WHRN: variants seen among roughly 807,000 people sequenced by gnomAD.
The protein encoded by WHRN is whirlin, also known as CASK-interacting protein CIP98.
Under a neutral mutation model 68.3 loss-of-function variants are expected in WHRN, and 41 were observed. That is an observed-to-expected ratio of 0.60 (90% CI 0.47 to 0.78). The LOEUF (loss-of-function observed/expected upper bound fraction) is 0.78. Ranked by LOEUF, WHRN falls within the 30% of genes least tolerant of loss-of-function variation. The pLI, the probability that WHRN is intolerant of heterozygous loss-of-function variation, is 0.00. For missense variants in WHRN, 1,243 were observed against 1,244.7 expected, an observed-to-expected ratio of 1.00 and a Z score of 0.02; for synonymous variants, 560 against 561.3, an observed-to-expected ratio of 1.00 and a Z score of 0.03.
At position 114,423,496 on chromosome 9, in the gene WHRN, T is replaced by C. The variant is rs1836511434; in HGVS notation, c.1444A>G (p.Thr482Ala). ...CGTTCTAGGTCTTGCGGGGAAATGG[T>C]GCCTCTCACCTCAGAGAGGAGTGAG... ...KFSLLSEVRG[T>A]ISPQDLERFD... The change falls in exon 7 of 12, where the codon ACC becomes GCC. Residue 482 changes from threonine (T) to alanine (A), a missense_variant. Thr to Ala is a moderately conservative substitution (Grantham distance 58). Coordinates refer to ENST00000362057, the MANE Select transcript of WHRN (RefSeq NM_015404.4). 1.2e-6 allele frequency: 2 copies of C among 1,611,908 alleles called. No homozygotes were observed. Among genetic ancestry groups the C allele is most frequent in the South Asian group, 1.1e-5 (1 of 91,048 alleles).
At chr9:114,448,840 A>G (rs1479106195) in intron 3 of WHRN, among the ~76,000 whole-genome samples, 1 of 152,204 alleles carries the variant, frequency 6.6e-6, no homozygotes, top group African/African-American at 2.4e-5. Flanking sequence ...CATGGAGCAG[A>G]GACACATCAC....
intron 1 of WHRN, among the ~76,000 whole-genome samples, chr9:114,483,952 T>G (rs1211917347): frequency 6.6e-6 from 1 of 152,208 alleles, no homozygotes; most frequent in Non-Finnish European, 1.5e-5. Context: ...GTTGCACCTA[T>G]GGGCACCTGA....
intron 1 of WHRN, among the ~76,000 whole-genome samples, chr9:114,479,357 G>T (rs1163319485): frequency 1.3e-5 from 2 of 152,190 alleles, no homozygotes; most frequent in Non-Finnish European, 2.9e-5. Context: ...GGAACTCACA[G>T]GGAGGGGACC....
In WHRN at chr9:114,403,289, C is replaced by T. The variant is rs144207463; in HGVS notation, c.2469G>A (p.Ala823=). The change falls in exon 11 of 12, where the codon GCG becomes GCA. Residue 823 remains alanine (A), a synonymous_variant. Coordinates refer to ENST00000362057, the MANE Select transcript of WHRN (RefSeq NM_015404.4). ...TSTLVRVKKS[A]ATLGIAIEGG... is the part of the protein sequence containing the mutation. Reference sequence around the variant, plus strand: ...CCTCGATGGCGATGCCCAGGGTGGCCGCACTTTTCTTCACACGGACCAGAG... The same window carrying T: ...CCTCGATGGCGATGCCCAGGGTGGCTGCACTTTTCTTCACACGGACCAGAG... The T allele has an allele frequency of 4.3e-5, 70 of 1,614,072 alleles. No individual in the cohort carries two copies. In the African/African-American group the frequency reaches 7.7e-4, roughly 18 times the overall value.
intron 7 of WHRN, among the ~76,000 whole-genome samples, chr9:114,416,441 T>C (rs2132284439): frequency 1.3e-5 from 2 of 152,332 alleles, no homozygotes; most frequent in East Asian, 3.9e-4. Flanking sequence ...TGGGAGGTGA[T>C]CGGATCATGC....
At chr9:114,464,840 GAT>G (rs1452092539) in intron 3 of WHRN, among the ~76,000 whole-genome samples, 11 of 129,346 alleles carry the variant, frequency 8.5e-5, no homozygotes, top group Non-Finnish European at 1.4e-4. Context: ...TGATGATGAT[GAT>G]GATGATGATG....
intron 8 of WHRN, among the ~76,000 whole-genome samples, 155 bp from the exon 9 acceptor site, chr9:114,407,047 T>G (rs886974004): frequency 6.6e-6 from 1 of 152,062 alleles, no homozygotes; most frequent in African/African-American, 2.4e-5. Flanking sequence ...AACACCTGAG[T>G]GGAAAACTTC....
intron 3 of WHRN, among the ~76,000 whole-genome samples, chr9:114,461,050 G>A (rs1432291278): frequency 1.3e-5 from 2 of 152,196 alleles, no homozygotes; most frequent in African/African-American, 4.8e-5. Flanking sequence ...TACTGCGGAG[G>A]GGATTGAAGA....
At chr9:114,489,761 T>A (rs1842831273) in intron 1 of WHRN, among the ~76,000 whole-genome samples, 1 of 152,188 alleles carries the variant, frequency 6.6e-6, no homozygotes, top group African/African-American at 2.4e-5. Flanking sequence ...CTAAGCACAT[T>A]TCTAGAATTA....
intron 7 of WHRN, among the ~76,000 whole-genome samples, chr9:114,419,264 TCA>T (rs10548920): frequency 0.13 from 19,329 of 152,164 alleles, 1,528 homozygotes; most frequent in African/African-American, 0.22. Flanking sequence ...ACAGCAGTAC[TCA>T]CAACTCCTAG....
In WHRN at chr9:114,403,267, C is replaced by T. The variant is rs748047192; in HGVS notation, c.2491G>A (p.Glu831Lys). The T allele has an allele frequency of 2.5e-5, 41 of 1,614,020 alleles. No homozygotes were observed. The highest frequency in any genetic ancestry group is 3.3e-5 in the Non-Finnish European group (39 of 1,180,036). The change falls in exon 11 of 12, where the codon GAG becomes AAG. Residue 831 changes from glutamate to lysine, a missense_variant. Glu to Lys is a moderately conservative substitution (Grantham distance 56). Coordinates refer to ENST00000362057, the MANE Select transcript of WHRN (RefSeq NM_015404.4). Reference sequence around the variant, plus strand: ...GGCTGGCGGGTGTTGGCGCCACCCTCGATGGCGATGCCCAGGGTGGCCGCA... The same window carrying T: ...GGCTGGCGGGTGTTGGCGCCACCCTTGATGGCGATGCCCAGGGTGGCCGCA... ...KSAATLGIAIEGGANTRQPLP... is the reference protein window; with the variant it reads ...KSAATLGIAIKGGANTRQPLP...
chr9:114,424,182 CT>C (rs1589106561), intron 6 of WHRN, 151 bp downstream of exon 6: 1 of 882,772 alleles, frequency 1.1e-6, no homozygotes, highest in Non-Finnish European at 1.8e-6. Flanking sequence ...TGTGAGCATC[CT>C]GGGGGCAGGA....
chr9:114,482,695 G>A (rs982413921), intron 1 of WHRN, among the ~76,000 whole-genome samples: 2 of 151,872 alleles, frequency 1.3e-5, no homozygotes, highest in Non-Finnish European at 1.5e-5. Context: ...AAAAAAAAAA[G>A]GGAAGGAAAG....
Position 114,466,263 on chromosome 9 carries a change from T to A in WHRN, c.963+4A>T. The A allele has an allele frequency of 6.2e-7, 1 of 1,613,902 alleles. No homozygotes were observed. Among genetic ancestry groups the A allele is most frequent in the Non-Finnish European group, 8.5e-7 (1 of 1,180,014 alleles). ...AGTTTTCCCTCCCTCAGGCCCTCCC[T>A]CACCTTGAGCCCGCTGCCTTCTGCT... On this transcript the variant is annotated splice_donor_region_variant and intron_variant, in intron 3 of 11. Transcript: ENST00000362057.
At chr9:114,403,593 G>A (rs1265140201) in intron 10 of WHRN, among the ~76,000 whole-genome samples, 2 of 152,212 alleles carry the variant, frequency 1.3e-5, no homozygotes, top group Non-Finnish European at 2.9e-5. Context: ...GACTTGAATC[G>A]AAGCCTGACT....
At chr9:114,502,893 T>C (rs1027909410) in intron 1 of WHRN, among the ~76,000 whole-genome samples, 1 of 152,096 alleles carries the variant, frequency 6.6e-6, no homozygotes, top group African/African-American at 2.4e-5. Context: ...GGGAAAAGAT[T>C]GATAGAGGGG....
chr9:114,486,983 AT>A (rs1455477986), intron 1 of WHRN, among the ~76,000 whole-genome samples: 2 of 3,398 alleles, frequency 5.9e-4, no homozygotes, highest in African/African-American at 7.3e-4. Flanking sequence ...ATATATATAT[AT>A]ATATATATAT....
At chr9:114,439,170 T>A (rs1421812178) in intron 3 of WHRN, among the ~76,000 whole-genome samples, 1 of 151,704 alleles carries the variant, frequency 6.6e-6, no homozygotes, top group African/African-American at 2.4e-5. Flanking sequence ...ACATGGGGAG[T>A]CGTACTCGGA....
In WHRN at chr9:114,483,158, G is replaced by A. The variant is rs115099213; in HGVS notation, c.619-4387C>T. Among the ~76,000 whole-genome samples, 968 of 152,288 alleles carry A rather than the reference G, an allele frequency of 6.4e-3. 5 individuals are homozygous for A. The highest frequency in any genetic ancestry group is 0.022 in the African/African-American group (918 of 41,556). Reference sequence around the variant, plus strand: ...GCTTTTTCTGGGTGTTGGAGAGCAAGAAAATCATCATCCTCTACTGCTTTT... The same window carrying A: ...GCTTTTTCTGGGTGTTGGAGAGCAAAAAAATCATCATCCTCTACTGCTTTT... On this transcript the variant is annotated intron_variant, in intron 1 of 11. Coordinates refer to ENST00000362057, the MANE Select transcript of WHRN (RefSeq NM_015404.4).
Sources: allele counts gnomAD v4.1 joint callset (sites outside exome capture counted in the v4.1 genomes callset), GRCh38; gene constraint gnomAD v4.1.1; transcripts MANE v1.5; gene names NCBI Gene and HGNC (gene_info 2026-07-23, HGNC 2026-07-21).